Variants in CCDC178 observed in about 807,000 individuals in gnomAD.
CCDC178 encodes coiled-coil domain-containing protein 178.
In CCDC178, 126 loss-of-function variants were observed where a neutral mutation model predicts 117.4. The ratio of observed to expected loss-of-function variants is 1.07; its 90% CI spans 0.93 to 1.24. The LOEUF is 1.24. Ranked by LOEUF, CCDC178 falls within the 50% of genes most tolerant of loss-of-function variation. CCDC178 has a pLI of 0.00. For synonymous variants in CCDC178, 283 were observed against 313.4 expected (o/e 0.90, Z 1.02); for missense variants, 1,030 against 986.9 (o/e 1.04, Z -0.59).
At chr18:32,956,295 C>T (rs2054590485) in intron 22 of CCDC178, among the ~76,000 whole-genome samples, 1 of 152,020 alleles carries the variant, frequency 6.6e-6, no homozygotes, top group Admixed American at 6.6e-5. Context: ...AAATTTTAAA[C>T]TAATTATTTA....
At chr18:33,101,198 G>C (rs531705749) in intron 20 of CCDC178, among the ~76,000 whole-genome samples, 1 of 151,282 alleles carries the variant, frequency 6.6e-6, no homozygotes, top group East Asian at 1.9e-4. Flanking sequence ...TTATGCCCTT[G>C]TTAACTATTC....
intron 20 of CCDC178, among the ~76,000 whole-genome samples, chr18:33,168,831 T>C (rs1405639700): frequency 6.6e-6 from 1 of 152,214 alleles, no homozygotes; most frequent in African/African-American, 2.4e-5. Flanking sequence ...GGACCCAAAA[T>C]AGTTTCATAA....
chr18:33,033,804 C>A (rs1266979307), intron 21 of CCDC178, among the ~76,000 whole-genome samples: 1 of 151,932 alleles, frequency 6.6e-6, no homozygotes, highest in Non-Finnish European at 1.5e-5. Flanking sequence ...ATACACTTTT[C>A]AATTCTTACC....
intron 12 of CCDC178, among the ~76,000 whole-genome samples, chr18:33,285,045 A>G (rs2060081031): frequency 1.3e-5 from 2 of 152,138 alleles, no homozygotes. Flanking sequence ...GTACATATTA[A>G]CACATTAAAA....
intron 21 of CCDC178, among the ~76,000 whole-genome samples, chr18:33,039,529 A>G (rs2056507795): frequency 6.6e-6 from 1 of 152,050 alleles, no homozygotes; most frequent in Non-Finnish European, 1.5e-5. Context: ...GCCCCTATGC[A>G]TGGGCTAACA....
chr18:33,163,685 A>G, intron 20 of CCDC178, among the ~76,000 whole-genome samples: 1 of 152,198 alleles, frequency 6.6e-6, no homozygotes, highest in East Asian at 1.9e-4. Flanking sequence ...TTTGCATTTG[A>G]CATGAAAATA....
chr18:33,238,748 G>A (rs898136791), intron 15 of CCDC178, among the ~76,000 whole-genome samples: 2 of 152,122 alleles, frequency 1.3e-5, no homozygotes, highest in Non-Finnish European at 2.9e-5. Context: ...AAAGTCATGA[G>A]AGAGAGATGG....
intron 20 of CCDC178, among the ~76,000 whole-genome samples, chr18:33,124,683 G>C (rs1264109563): frequency 2.6e-5 from 4 of 152,086 alleles, no homozygotes; most frequent in Admixed American, 2.6e-4. Context: ...TAATACTGAA[G>C]GATATTATTG....
intron 21 of CCDC178, among the ~76,000 whole-genome samples, chr18:33,032,197 A>C (rs1037834560): frequency 6.6e-6 from 1 of 152,108 alleles, no homozygotes; most frequent in Non-Finnish European, 1.5e-5. Context: ...TATGCAAATT[A>C]ATGAATTTCT....
At chr18:33,169,714 C>T (rs2058575376) in intron 20 of CCDC178, among the ~76,000 whole-genome samples, 1 of 151,984 alleles carries the variant, frequency 6.6e-6, no homozygotes, top group South Asian at 2.1e-4. Context: ...CTATACATGT[C>T]AGATTTTAAG....
chr18:33,227,554 G>A (rs939050953), intron 15 of CCDC178, among the ~76,000 whole-genome samples: 12,808 of 73,648 alleles, frequency 0.17, 808 homozygotes, highest in African/African-American at 0.32. Flanking sequence ...GTGTGTGTGT[G>A]TGTATATATA....
intron 12 of CCDC178, among the ~76,000 whole-genome samples, chr18:33,267,898 T>C (rs2059837927): frequency 2.0e-5 from 3 of 151,472 alleles, no homozygotes; most frequent in African/African-American, 7.2e-5. Context: ...AGAATAATAA[T>C]CGGTCTTTAA....
At chr18:33,196,706 A>G (rs892183654) in intron 20 of CCDC178, among the ~76,000 whole-genome samples, 1 of 152,120 alleles carries the variant, frequency 6.6e-6, no homozygotes, top group Non-Finnish European at 1.5e-5. Context: ...GGTGCAAATT[A>G]TGGTACTACA....
At chr18:32,994,458 G>C (rs1443576191) in intron 21 of CCDC178, among the ~76,000 whole-genome samples, 1 of 151,780 alleles carries the variant, frequency 6.6e-6, no homozygotes, top group African/African-American at 2.4e-5. Flanking sequence ...TCCTTCTCTG[G>C]GCAAACAGTG....
chr18:33,271,238 C>T (rs1409987851), intron 12 of CCDC178, among the ~76,000 whole-genome samples: 3 of 151,284 alleles, frequency 2.0e-5, no homozygotes, highest in Non-Finnish European at 4.4e-5. Context: ...ACAAATCCTA[C>T]CTTATCAGTA....
chr18:33,332,966 A>G (rs1435364533), intron 10 of CCDC178, among the ~76,000 whole-genome samples: 1 of 152,110 alleles, frequency 6.6e-6, no homozygotes, highest in Non-Finnish European at 1.5e-5. Context: ...GTTTGACTAA[A>G]TATGCTTAAT....
rs114404267 is a variant in CCDC178 at position 33,416,696 on chromosome 18, C to T, written c.-22-4586G>A. ...ACCCACTCCCACAAGTAAAGAAGTACCTTTATTCTTCCCCACTGGGTAGTG... is the reference window on the plus strand; with the variant it reads ...ACCCACTCCCACAAGTAAAGAAGTATCTTTATTCTTCCCCACTGGGTAGTG... On this transcript the variant is annotated intron_variant, in intron 2 of 22. Transcript: ENST00000383096. Among the ~76,000 whole-genome samples, 1,363 of 152,176 alleles carry T rather than the reference C, an allele frequency of 9.0e-3. 18 individuals carry two copies. The highest frequency in any genetic ancestry group is 0.031 in the African/African-American group (1,301 of 41,506).
chr18:32,944,935 C>G lies in CCDC178; in HGVS notation c.2524-6844G>C, dbSNP rs992537007. Among the ~76,000 whole-genome samples the G allele has an allele frequency of 1.1e-4, 16 of 152,274 alleles. No individual in the cohort carries two copies. In the East Asian group the frequency reaches 3.1e-3, roughly 29 times the overall value. On this transcript the variant is annotated intron_variant, in intron 22 of 22. Coordinates refer to ENST00000383096, the MANE Select transcript of CCDC178 (RefSeq NM_001105528.4). ...CCTTCTGCCGTGACTGTGAGGCCTC[C>G]CCAGCCACGTGCAACTGTGAGTTCA... is the stretch of plus-strand genomic sequence containing the variant.
intron 20 of CCDC178, among the ~76,000 whole-genome samples, chr18:33,210,669 T>G (rs1386802100): frequency 1.3e-5 from 2 of 152,008 alleles, no homozygotes; most frequent in African/African-American, 4.8e-5. Context: ...CCTTCTTGCT[T>G]TGAGAGGTGC....
Sources: allele counts gnomAD v4.1 joint callset (sites outside exome capture counted in the v4.1 genomes callset), GRCh38; gene constraint gnomAD v4.1.1; transcripts MANE v1.5; gene names NCBI Gene and HGNC (gene_info 2026-07-23, HGNC 2026-07-21).